RGS21: variants seen among roughly 807,000 people sequenced by gnomAD.
RGS21 encodes the protein regulator of G-protein signalling 21.
Under a neutral mutation model 18.7 loss-of-function variants are expected in RGS21, and 19 were observed. That is an observed-to-expected ratio of 1.01 (90% CI 0.71 to 1.49). The LOEUF (loss-of-function observed/expected upper bound fraction) is 1.49, where lower values mean the gene tolerates loss of function less well. RGS21 is among the 40% of genes most tolerant of loss of function. The probability of loss-of-function intolerance (pLI) is 0.00; values close to 1 mark genes in which losing one functional copy is unlikely to be tolerated. For synonymous variants in RGS21, 56 were observed against 57.8 expected (o/e 0.97, Z 0.14); for missense variants, 194 against 176.8 (o/e 1.10, Z -0.55).
chr1:192,333,628 CAAAAAAAAA>C (rs376989840), intron 1 of RGS21, among the ~76,000 whole-genome samples: 14,669 of 102,630 alleles, frequency 0.14, 473 homozygotes, highest in South Asian at 0.24. Flanking sequence ...CTCAAAATGA[CAAAAAAAAA>C]AAAAAAAAAA....
intron 4 of RGS21, among the ~76,000 whole-genome samples, chr1:192,355,432 G>A (rs932991361): frequency 5.3e-5 from 8 of 151,470 alleles, no homozygotes; most frequent in African/African-American, 1.5e-4. Context: ...AAGTGGAAAC[G>A]TGAACACTTA....
chr1:192,362,506 CTA>C (rs1421176344), intron 4 of RGS21, among the ~76,000 whole-genome samples: 1 of 152,172 alleles, frequency 6.6e-6, no homozygotes, highest in African/African-American at 2.4e-5. Flanking sequence ...GAGACAATTC[CTA>C]TGTTTCTAGC....
rs775935227 is a variant in RGS21, at chr1:192,365,988, T to C, written c.323T>C (p.Phe108Ser). Residue 108 changes from phenylalanine (F) to serine (S), a missense_variant, in exon 5 of 5, where the codon TTT (phenylalanine) becomes TCT (serine). By Grantham distance (155) the Phe-to-Ser change is radical. Coordinates refer to ENST00000417209, the MANE Select transcript of RGS21 (RefSeq NM_001039152.3). Reference protein sequence around the residue: ...KNIAEPTLKCFDEAQKLIYCL... With the variant: ...KNIAEPTLKCSDEAQKLIYCL... ...ATTGCTGAACCAACACTCAAATGCT[T>C]TGATGAGGCTCAGAAATTAATCTAT... 1.9e-6 allele frequency: 3 copies of C among 1,610,302 alleles called. No homozygotes were observed. Among genetic ancestry groups the C allele is most frequent in the Non-Finnish European group, 1.7e-6 (2 of 1,176,936 alleles).
chr1:192,327,555 C>G (rs189707641), intron 1 of RGS21, among the ~76,000 whole-genome samples: 1 of 151,978 alleles, frequency 6.6e-6, no homozygotes, highest in East Asian at 1.9e-4. Flanking sequence ...TCACTGCAAC[C>G]TTCACCTCCT....
At position 192,367,229 on chromosome 1, in the gene RGS21, T is replaced by C. The variant is rs528362776; in HGVS notation, c.*1105T>C. ...ATGTTTTCACAAACTACTCATTTGA[T>C]AGACAAAATTTTGTCTTCCCTTCAT... On this transcript the variant is annotated 3_prime_UTR_variant, in exon 5 of 5. Coordinates refer to ENST00000417209, the MANE Select transcript of RGS21 (RefSeq NM_001039152.3). 2.0e-4 allele frequency: 31 copies of C among 151,488 alleles called. No individual in the cohort carries two copies. Among genetic ancestry groups the C allele is most frequent in the African/African-American group, 7.5e-4 (31 of 41,506 alleles). 9.4% of individuals were successfully genotyped at this position (151,488 alleles called of 1,614,324 possible).
intron 1 of RGS21, among the ~76,000 whole-genome samples, chr1:192,329,059 A>G (rs1391037711): frequency 6.6e-6 from 1 of 152,128 alleles, no homozygotes; most frequent in Non-Finnish European, 1.5e-5. Flanking sequence ...GAAGACAATC[A>G]GGGAAGTTAA....
chr1:192,317,808 A>T lies in RGS21; in HGVS notation c.-61+703A>T, dbSNP rs1300984400. ...AAATAATTTTGAAAAATGCATCTTC[A>T]TGTCACTCTAAGTAAAGTCTTATTA... On this transcript the variant is annotated intron_variant, in intron 1 of 4. Coordinates refer to ENST00000417209, the MANE Select transcript of RGS21 (RefSeq NM_001039152.3). Among the ~76,000 whole-genome samples, 3 of 151,946 alleles carry T rather than the reference A, an allele frequency of 2.0e-5. 1 individual carries two copies. The highest frequency in any genetic ancestry group is 2.0e-4 in the Admixed American group (3 of 15,236).
At chr1:192,340,192 A>G (rs924050731) in intron 1 of RGS21, among the ~76,000 whole-genome samples, 3 of 152,096 alleles carry the variant, frequency 2.0e-5, no homozygotes, top group African/African-American at 7.2e-5. Flanking sequence ...AGAAATTCCC[A>G]TTGATTGCAT....
chr1:192,344,410 A>G (rs1658917503), intron 2 of RGS21, among the ~76,000 whole-genome samples: 1 of 152,066 alleles, frequency 6.6e-6, no homozygotes, highest in African/African-American at 2.4e-5. Context: ...TGCACTACTT[A>G]TTTGTATCTC....
At chr1:192,347,515 A>G in intron 3 of RGS21, 126 bp downstream of exon 3, 1 of 537,388 alleles carries the variant, frequency 1.9e-6, no homozygotes, top group East Asian at 3.1e-5. Context: ...TAATAATCAT[A>G]AATTCATAAA....
chr1:192,321,824 A>C (rs935069862), intron 1 of RGS21, among the ~76,000 whole-genome samples: 11 of 152,060 alleles, frequency 7.2e-5, no homozygotes, highest in African/African-American at 2.7e-4. Context: ...AATACTTGAA[A>C]TAAATCTTTC....
chr1:192,351,528 G>A (rs1436651776), intron 3 of RGS21, among the ~76,000 whole-genome samples: 2 of 151,628 alleles, frequency 1.3e-5, no homozygotes, highest in Non-Finnish European at 2.9e-5. Flanking sequence ...AGCAAAATCC[G>A]TGGGGCTTCC....
Position 192,355,167 on chromosome 1 carries a change from G to A in RGS21, c.255+2954G>A, listed in dbSNP as rs567065401. 1.6e-4 allele frequency among the ~76,000 whole-genome samples: 24 copies of A among 151,724 alleles called. No individual in the cohort carries two copies. In the East Asian group the frequency reaches 4.4e-3, roughly 28 times the overall value. ...CCTGATCCCTCACTTGTGTAATTCTGTCATAAGCTATTTATCTCTCTGCCT... is the reference window on the plus strand; with the variant it reads ...CCTGATCCCTCACTTGTGTAATTCTATCATAAGCTATTTATCTCTCTGCCT... On this transcript the variant is annotated intron_variant, in intron 4 of 4. Coordinates refer to ENST00000417209, the MANE Select transcript of RGS21 (RefSeq NM_001039152.3).
intron 4 of RGS21, among the ~76,000 whole-genome samples, chr1:192,360,301 C>T (rs574127961): frequency 1.3e-5 from 2 of 152,198 alleles, no homozygotes; most frequent in South Asian, 4.2e-4. Context: ...TCTTCTCTTT[C>T]TCATATACCC....
intron 1 of RGS21, among the ~76,000 whole-genome samples, chr1:192,336,513 A>G (rs140715312): frequency 2.0e-5 from 3 of 152,176 alleles, no homozygotes; most frequent in African/African-American, 4.8e-5. Context: ...GATAAATTCA[A>G]TGCAAGACCT....
At chr1:192,353,380 C>T (rs1219460249) in intron 4 of RGS21, among the ~76,000 whole-genome samples, 2 of 151,878 alleles carry the variant, frequency 1.3e-5, no homozygotes, top group Non-Finnish European at 2.9e-5. Context: ...GCTATTTCAA[C>T]ATTTATTTCC....
At chr1:192,338,723 A>G (rs1215923465) in intron 1 of RGS21, among the ~76,000 whole-genome samples, 2 of 152,064 alleles carry the variant, frequency 1.3e-5, no homozygotes, top group South Asian at 2.1e-4. Context: ...GGCTTATTGC[A>G]TTAAATCTTC....
At chr1:192,328,795 A>T (rs1333567863) in intron 1 of RGS21, among the ~76,000 whole-genome samples, 5 of 152,132 alleles carry the variant, frequency 3.3e-5, no homozygotes, top group African/African-American at 1.2e-4. Flanking sequence ...GATAAGGAGA[A>T]ATAACCCTTA....
intron 4 of RGS21, among the ~76,000 whole-genome samples, chr1:192,354,084 C>T (rs1659080484): frequency 6.6e-6 from 1 of 151,594 alleles, no homozygotes. Flanking sequence ...CGATTGCAAT[C>T]TTCAAGGTAT....
Sources: gnomAD v4.1 joint callset for allele counts (sites outside exome capture counted in the v4.1 genomes callset) on GRCh38, gnomAD v4.1.1 for gene constraint, MANE v1.5 for transcripts, NCBI Gene and HGNC (gene_info 2026-07-23, HGNC 2026-07-21) for gene names.